Variants in SEC16A observed in about 807,000 individuals in gnomAD.
SEC16A encodes protein transport protein Sec16A.
Under a neutral mutation model 221.9 loss-of-function variants are expected in SEC16A, and 110 were observed. That is an observed-to-expected ratio of 0.50 (90% CI 0.42 to 0.58). The LOEUF is 0.58. Among genes scored for constraint, SEC16A ranks in the 20% least tolerant of loss-of-function variants. The pLI, the probability that SEC16A is intolerant of heterozygous loss-of-function variation, is 0.00. For synonymous variants in SEC16A, 1,393 were observed against 1,257.7 expected (o/e 1.11, Z -2.28); for missense variants, 3,165 against 3,097.8 (o/e 1.02, Z -0.52).
At chr9:136,479,235 A>G (rs1379219101) in intron 1 of SEC16A, among the ~76,000 whole-genome samples, 1 of 152,242 alleles carries the variant, frequency 6.6e-6, no homozygotes, top group East Asian at 1.9e-4. Flanking sequence ...TATCTTTAGG[A>G]AAGTTCTTTT....
At chr9:136,456,660 G>T (rs1427208780) in intron 18 of SEC16A, among the ~76,000 whole-genome samples, 1 of 152,134 alleles carries the variant, frequency 6.6e-6, no homozygotes, top group Non-Finnish European at 1.5e-5. Flanking sequence ...ACAGTTTTTG[G>T]GTATCCCATG....
intron 30 of SEC16A, among the ~76,000 whole-genome samples, chr9:136,444,799 A>G (rs1836709669): frequency 6.6e-6 from 1 of 151,418 alleles, no homozygotes; most frequent in Non-Finnish European, 1.5e-5. Context: ...GGATGGCTTG[A>G]ACCCAGGAGG....
intron 20 of SEC16A, among the ~76,000 whole-genome samples, chr9:136,455,319 G>A (rs1391868742): frequency 6.6e-6 from 1 of 152,156 alleles, no homozygotes; most frequent in Non-Finnish European, 1.5e-5. Context: ...CAAGCAGGGA[G>A]GCTGAGCAGG....
At chr9:136,473,311 T>C (rs1841143204) in intron 3 of SEC16A, among the ~76,000 whole-genome samples, 1 of 152,240 alleles carries the variant, frequency 6.6e-6, no homozygotes, top group Admixed American at 6.5e-5. Flanking sequence ...ACTGAATCGG[T>C]GAACCCAATC....
intron 3 of SEC16A, among the ~76,000 whole-genome samples, chr9:136,473,186 C>G (rs1281346936): frequency 6.6e-6 from 1 of 152,260 alleles, no homozygotes; most frequent in Non-Finnish European, 1.5e-5. Flanking sequence ...GGCGGGCCCC[C>G]TTCTGACTGC....
chr9:136,455,592 T>C lies in SEC16A; in HGVS notation c.5857+9A>G. 6.5e-7 allele frequency: 1 copy of C among 1,548,330 alleles called. No individual in the cohort carries two copies. Among genetic ancestry groups the C allele is most frequent in the Admixed American group, 1.9e-5 (1 of 52,128 alleles). On this transcript the variant is annotated intron_variant, in intron 20 of 31. Coordinates refer to ENST00000684901, the MANE Select transcript of SEC16A (RefSeq NM_014866.2). ...TGTCTGAGGGCAGCAGCCGCGCACC[T>C]GGGCTCACCTGAGGGCAGCAGCCGC... is the stretch of plus-strand genomic sequence containing the variant.
At chr9:136,479,441 C>T (rs1464241616) in intron 1 of SEC16A, among the ~76,000 whole-genome samples, 2 of 152,116 alleles carry the variant, frequency 1.3e-5, no homozygotes, top group Non-Finnish European at 2.9e-5. Flanking sequence ...CAAGCTCCGC[C>T]TCCCAGGTTC....
chr9:136,451,258 T>C lies in SEC16A; in HGVS notation c.6310A>G (p.Lys2104Glu), dbSNP rs1321851013. Residue 2104 changes from lysine to glutamate, a missense_variant and splice_region_variant, in exon 23 of 32, where the codon AAG (lysine) becomes GAG (glutamate). Transcript: ENST00000684901. ...AAKKETKEPK[K>E]GESWFFRWLP... is the part of the protein sequence containing the mutation. Reference sequence around the variant, plus strand: ...GCACCGTGGGCAGGCTGTACTACCTTCTTAGGTTCCTTCGTTTCTTTCTTG... The same window carrying C: ...GCACCGTGGGCAGGCTGTACTACCTCCTTAGGTTCCTTCGTTTCTTTCTTG... 1 of 1,610,756 alleles carries C rather than the reference T, an allele frequency of 6.2e-7. No homozygotes were observed. The highest frequency in any genetic ancestry group is 8.5e-7 in the Non-Finnish European group (1 of 1,178,472).
In SEC16A at chr9:136,476,256, A is replaced by G. The variant is rs1417079128; in HGVS notation, c.1360T>C (p.Ser454Pro). 1 of 1,613,458 alleles carries G rather than the reference A, an allele frequency of 6.2e-7. No homozygotes were observed. Among genetic ancestry groups the G allele is most frequent in the Admixed American group, 1.7e-5 (1 of 60,032 alleles). ...AAGTTCTCAACATTCTCATACTGCG[A>G]GCCGCTGGCATCCGGCACCCCTGTG... ...ASTGVPDASGSQYENVENLEF... is the reference protein window; with the variant it reads ...ASTGVPDASGPQYENVENLEF... The change falls in exon 3 of 32, where the codon TCG (serine) becomes CCG (proline). Residue 454 changes from serine to proline, a missense_variant. Ser to Pro is a moderately conservative substitution (Grantham distance 74). Around this residue, in one of 3 missense-constraint regions of SEC16A, gnomAD observed 2,030 missense variants for 1,923.1 expected, o/e 1.06. Transcript: ENST00000684901.
At chr9:136,445,199 A>G in intron 29 of SEC16A, 88 bp from the exon 30 acceptor site, 1 of 1,150,988 alleles carries the variant, frequency 8.7e-7, no homozygotes, top group Non-Finnish European at 1.3e-6. Flanking sequence ...TCCATTTCAA[A>G]AGCTTTGTGA....
rs1382871476 is a variant in SEC16A, at chr9:136,461,274, C to T, written c.4894G>A (p.Asp1632Asn). 1.3e-6 allele frequency: 2 copies of T among 1,598,146 alleles called. No homozygotes were observed. Among genetic ancestry groups the T allele is most frequent in the African/African-American group, 2.7e-5 (2 of 74,630 alleles). Reference protein sequence around the residue: ...RELLLYGRKKDALESAMKNGL... With the variant: ...RELLLYGRKKNALESAMKNGL... ...TTCTTCATTGCAGACTCCAAAGCAT[C>T]CTGCAAAAGGCATTTCAGGGACCTT... The change falls in exon 13 of 32, where the codon GAT becomes AAT. Residue 1632 changes from aspartate (D) to asparagine (N), a missense_variant and splice_region_variant. Transcript: ENST00000684901.
rs77355944 is a variant in SEC16A, at chr9:136,444,035, C to G, written c.6928-135G>C. 4,531 of 575,960 alleles carry G rather than the reference C, an allele frequency of 7.9e-3. 196 individuals are homozygous for G. Among genetic ancestry groups the G allele is most frequent in the African/African-American group, 0.075 (3,940 of 52,272 alleles). 35.7% of individuals were successfully genotyped at this position (575,960 alleles called of 1,614,324 possible). On this transcript the variant is annotated intron_variant, in intron 30 of 31. Coordinates refer to ENST00000684901, the MANE Select transcript of SEC16A (RefSeq NM_014866.2). ...AAGCTACAGAAGCAGATCCAAGACA[C>G]TTCTTGCAACACTGGATTTAGTTAT...
chr9:136,458,532 GAAGGAGAATGGCGTGA>G (rs1297832751), intron 17 of SEC16A, among the ~76,000 whole-genome samples: 1 of 151,832 alleles, frequency 6.6e-6, no homozygotes, highest in Non-Finnish European at 1.5e-5. Context: ...GGAGGCTGAG[GAAGGAGAATGGCGTGA>G]ACTCAGAAAG....
rs775226127 is a variant in SEC16A at position 136,443,853 on chromosome 9, C to G, written c.6975G>C (p.Met2325Ile). ...PAAGGPPSGAMPFYNPAQLAQ... is the reference protein window; with the variant it reads ...PAAGGPPSGAIPFYNPAQLAQ... Reference sequence around the variant, plus strand: ...CCAGCTGAGCAGGGTTGTAGAAGGGCATGGCCCCGCTGGGAGGGCCCCCTG... The same window carrying G: ...CCAGCTGAGCAGGGTTGTAGAAGGGGATGGCCCCGCTGGGAGGGCCCCCTG... The change falls in exon 31 of 32, where the codon ATG becomes ATC. Residue 2325 changes from methionine (M) to isoleucine (I), a missense_variant. Transcript: ENST00000684901. The G allele has an allele frequency of 4.8e-5, 78 of 1,611,632 alleles. 2 individuals carry two copies. In the South Asian group the frequency reaches 8.5e-4, roughly 18 times the overall value.
At position 136,475,198 on chromosome 9, in the gene SEC16A, C is replaced by T; in HGVS notation, c.2418G>A (p.Gln806=). The change falls in exon 3 of 32, where the codon CAG becomes CAA. Residue 806 remains glutamine, a synonymous_variant. Coordinates refer to ENST00000684901, the MANE Select transcript of SEC16A (RefSeq NM_014866.2). This position sits in a 1 kb window ranked among gnomAD's most constrained non-coding sequence, Gnocchi z 5.0. ...ATAAACTTGCATAACCAGAACTCGC[C>T]TGGGACTGAAGGGCCTCCTCCTCTC... ...KMGEEEALQS[Q]ASSGYASLLS... 6.2e-7 allele frequency: 1 copy of T among 1,613,788 alleles called. No individual in the cohort carries two copies. Among genetic ancestry groups the T allele is most frequent in the Non-Finnish European group, 8.5e-7 (1 of 1,179,858 alleles).
rs577746911 is a variant in SEC16A at position 136,474,454 on chromosome 9, G to A, written c.3162C>T (p.Leu1054=). The A allele has an allele frequency of 2.3e-5, 37 of 1,613,092 alleles. No individual in the cohort carries two copies. The East Asian group carries it at 4.5e-4, about 19-fold the overall frequency. Residue 1054 remains leucine, a synonymous_variant, in exon 3 of 32, where the codon CTC becomes CTT. Coordinates refer to ENST00000684901, the MANE Select transcript of SEC16A (RefSeq NM_014866.2). ...GCACCAGCTCCTGCTGGGCTCTTTC[G>A]AGGCCAGGCTGGCCCTGGGCATCTT... is the stretch of plus-strand genomic sequence containing the variant. ...VTKDAQGQPG[L]ERAQQELVPP... is the part of the protein sequence containing the mutation.
chr9:136,482,967 C>T lies in SEC16A; in HGVS notation c.-221G>A, dbSNP rs1842602783. On this transcript the variant is annotated 5_prime_UTR_variant, in exon 1 of 32. Coordinates refer to ENST00000684901, the MANE Select transcript of SEC16A (RefSeq NM_014866.2). ...GCGGCTGAGACCGATCCCTCAGGAG[C>T]CGCGGGCGAAAGCCCACCCGACGCT... 1.0e-6 allele frequency: 1 copy of T among 985,230 alleles called. No homozygotes were observed. Among genetic ancestry groups the T allele is most frequent in the African/African-American group, 1.7e-5 (1 of 57,340 alleles). 61.0% of individuals were successfully genotyped at this position (985,230 alleles called of 1,614,324 possible). A position where few individuals can be genotyped will look rare whatever the true frequency, so the allele number is the denominator to read the frequency against.
In SEC16A at chr9:136,476,683, G is replaced by C; in HGVS notation, c.933C>G (p.His311Gln). 1 of 1,571,432 alleles carries C rather than the reference G, an allele frequency of 6.4e-7. No homozygotes were observed. Among genetic ancestry groups the C allele is most frequent in the Non-Finnish European group, 8.7e-7 (1 of 1,156,064 alleles). ...TCTGCCTGAGCTCTGGGCTTGCCCA[G>C]TGATTCACAATTCTGGGATTTTGCC... ...TFRQNPRIVN[H>Q]WASPELRQNP... The change falls in exon 3 of 32, where the codon CAC (histidine) becomes CAG (glutamine). Residue 311 changes from histidine (H) to glutamine (Q), a missense_variant. By Grantham distance (24) the His-to-Gln change is conservative. Coordinates refer to ENST00000684901, the MANE Select transcript of SEC16A (RefSeq NM_014866.2).
chr9:136,455,032 G>A, intron 20 of SEC16A, among the ~76,000 whole-genome samples: 1 of 152,200 alleles, frequency 6.6e-6, no homozygotes, highest in East Asian at 1.9e-4. Context: ...GTCCTCAGGT[G>A]AGATGGAGAG....
Sources: gnomAD v4.1 joint callset for allele counts (sites outside exome capture counted in the v4.1 genomes callset) on GRCh38, gnomAD v4.1.1 for gene constraint, gnomAD v4.1.1 regional missense constraint, Gnocchi (gnomAD v3.1) non-coding constraint, MANE v1.5 for transcripts, NCBI Gene and HGNC (gene_info 2026-07-23, HGNC 2026-07-21) for gene names.